IDE: variants seen among roughly 807,000 people sequenced by gnomAD.
IDE encodes insulin degrading enzyme, also known as insulin-degrading enzyme.
In IDE, 58 loss-of-function variants were observed where a neutral mutation model predicts 133.2. The observed-to-expected ratio is 0.44, with a 90% CI of 0.35 to 0.54. The LOEUF (loss-of-function observed/expected upper bound fraction) is 0.54. Ranked by LOEUF, IDE falls within the 20% of genes least tolerant of loss-of-function variation. IDE has a pLI of 0.00. For missense variants in IDE, 981 were observed against 1,234.0 expected, an observed-to-expected ratio of 0.79 and a Z score of 3.07; for synonymous variants, 396 against 421.3, an observed-to-expected ratio of 0.94 and a Z score of 0.73.
chr10:92,482,638 G>A (rs1044135849), intron 14 of IDE, among the ~76,000 whole-genome samples: 3 of 151,464 alleles, frequency 2.0e-5, no homozygotes, highest in African/African-American at 7.3e-5. Flanking sequence ...GTAAATCTAC[G>A]GCCTCCTCAG....
chr10:92,457,307 G>C (rs1029189687), intron 22 of IDE, among the ~76,000 whole-genome samples: 1 of 152,294 alleles, frequency 6.6e-6, no homozygotes, highest in East Asian at 1.9e-4. Context: ...TGAGTCCTGC[G>C]TTATATCAGG....
At chr10:92,514,858 G>T in intron 5 of IDE, 62 bp downstream of exon 5, 2 of 1,429,330 alleles carry the variant, frequency 1.4e-6, no homozygotes, top group Non-Finnish European at 1.9e-6. Context: ...CTAACACTGT[G>T]AAAAAGCCAA....
chr10:92,485,714 G>T (rs567649486), intron 13 of IDE, among the ~76,000 whole-genome samples: 12 of 152,198 alleles, frequency 7.9e-5, no homozygotes, highest in Middle Eastern at 3.4e-3. Flanking sequence ...AGGCTGAAGG[G>T]GGAGGATCAC....
intron 11 of IDE, among the ~76,000 whole-genome samples, chr10:92,491,615 GT>G (rs111226334): frequency 2.4e-4 from 34 of 139,550 alleles, no homozygotes; most frequent in Non-Finnish European, 2.4e-4. Flanking sequence ...TTTTGTTTTT[GT>G]TTTTTTTTTT....
At position 92,490,537 on chromosome 10, in the gene IDE, C is replaced by T; in HGVS notation, c.1489G>A (p.Gly497Arg). 3 of 1,612,994 alleles carry T rather than the reference C, an allele frequency of 1.9e-6. No homozygotes were observed. Among genetic ancestry groups the T allele is most frequent in the African/African-American group, 1.3e-5 (1 of 75,016 alleles). Residue 497 changes from glycine (G) to arginine (R), a missense_variant, in exon 12 of 25, where the codon GGA becomes AGA. This residue lies in a region of IDE where 660 missense variants were observed against 894.7 expected (regional missense o/e 0.74). Transcript: ENST00000265986. Reference sequence around the variant, plus strand: ...ATAGCTTCTTGTTTGTACTGGGTTCCATACCACTCTTCTGTGCGATCAGTT... The same window carrying T: ...ATAGCTTCTTGTTTGTACTGGGTTCTATACCACTCTTCTGTGCGATCAGTT... ...GKTDRTEEWY[G>R]TQYKQEAIPD...
chr10:92,561,767 A>T (rs923087601), intron 1 of IDE, among the ~76,000 whole-genome samples: 3 of 150,922 alleles, frequency 2.0e-5, no homozygotes, highest in South Asian at 4.2e-4. Flanking sequence ...GTCACCAAAA[A>T]AAAATAAAAT....
At chr10:92,526,313 A>G (rs937068738) in intron 4 of IDE, among the ~76,000 whole-genome samples, 1 of 152,146 alleles carries the variant, frequency 6.6e-6, no homozygotes, top group African/African-American at 2.4e-5. Context: ...AAAGCTATCT[A>G]CAGATTCAAT....
chr10:92,564,609 G>T (rs1000268146), intron 1 of IDE, among the ~76,000 whole-genome samples: 2 of 135,458 alleles, frequency 1.5e-5, no homozygotes, highest in African/African-American at 5.4e-5. Context: ...GAGAGACAGG[G>T]GTTGCAGTAA....
At chr10:92,527,240 C>T (rs1478735475) in intron 4 of IDE, among the ~76,000 whole-genome samples, 1 of 151,964 alleles carries the variant, frequency 6.6e-6, no homozygotes, top group African/African-American at 2.4e-5. Context: ...TGTAATGTAC[C>T]TCTGCCTTAT....
chr10:92,535,536 C>A (rs548136630), intron 2 of IDE, among the ~76,000 whole-genome samples: 1 of 152,148 alleles, frequency 6.6e-6, no homozygotes, highest in Non-Finnish European at 1.5e-5. Context: ...TTGACTCAAT[C>A]GCTTCAATAT....
intron 18 of IDE, among the ~76,000 whole-genome samples, chr10:92,469,774 T>C (rs1327284413): frequency 2.0e-5 from 3 of 152,222 alleles, no homozygotes; most frequent in African/African-American, 7.2e-5. Flanking sequence ...TTCCATGTGC[T>C]AAGTACTTAG....
intron 1 of IDE, among the ~76,000 whole-genome samples, chr10:92,555,498 A>C (rs1842963780): frequency 1.2e-5 from 1 of 81,696 alleles, no homozygotes; most frequent in South Asian, 3.0e-4. Flanking sequence ...ACTTTGTCTC[A>C]AAAAAAAAAA....
chr10:92,543,226 G>C (rs540734611), intron 1 of IDE, among the ~76,000 whole-genome samples: 7 of 152,180 alleles, frequency 4.6e-5, no homozygotes, highest in Non-Finnish European at 1.0e-4. Context: ...GCATGTGGAG[G>C]AGGAGCCCAG....
chr10:92,528,874 C>T (rs1249040828), intron 4 of IDE, among the ~76,000 whole-genome samples: 2 of 151,858 alleles, frequency 1.3e-5, no homozygotes, highest in South Asian at 2.1e-4. Context: ...GTCAGGAGTT[C>T]GAGACCAGCC....
intron 11 of IDE, among the ~76,000 whole-genome samples, chr10:92,494,825 T>C (rs1171628030): frequency 1.3e-5 from 2 of 152,120 alleles, no homozygotes; most frequent in Non-Finnish European, 1.5e-5. Context: ...TCTCCTGAGA[T>C]TTTTACAAAT....
rs746163475 is a variant in IDE at position 92,474,897 on chromosome 10, C to T, written c.2060G>A (p.Arg687His). ...QPHQHAMYYL[R>H]LLMTEVAWTK... ...CCAGGCCACTTCAGTCATCAGCAAG[C>T]GGAGGTAGTACATGGCATGCTGGTG... The change falls in exon 17 of 25, where the codon CGC (arginine) becomes CAC (histidine). Residue 687 changes from arginine (R) to histidine (H), a missense_variant. Physicochemically the swap from Arg to His is conservative, Grantham distance 29 (BLOSUM62 0). Transcript: ENST00000265986. The T allele has an allele frequency of 1.5e-5, 24 of 1,613,536 alleles. No homozygotes were observed. Among genetic ancestry groups the T allele is most frequent in the Middle Eastern group, 1.7e-4 (1 of 6,060 alleles).
rs1475365802 is a variant in IDE, at chr10:92,456,440, A to G, written c.2824-9T>C. The G allele has an allele frequency of 6.2e-7, 1 of 1,606,372 alleles. No individual in the cohort carries two copies. The highest frequency in any genetic ancestry group is 2.2e-5 in the East Asian group (1 of 44,838). On this transcript the variant is annotated splice_polypyrimidine_tract_variant and intron_variant, in intron 22 of 24. Transcript: ENST00000265986. ...TCTACTGCCAACATTTCCTAGGCAC[A>G]AAGAAGAGCAGGGTCACCCTTTTGC...
intron 1 of IDE, among the ~76,000 whole-genome samples, chr10:92,551,163 A>G (rs913842711): frequency 8.5e-5 from 13 of 152,380 alleles, no homozygotes; most frequent in African/African-American, 2.9e-4. Context: ...GCCAGTGTCC[A>G]CTGATGGATG....
intron 14 of IDE, among the ~76,000 whole-genome samples, chr10:92,481,070 G>A (rs1042074398): frequency 6.6e-6 from 1 of 152,194 alleles, no homozygotes; most frequent in Admixed American, 6.5e-5. Flanking sequence ...CATGATGACA[G>A]ATTTCCTTCT....
Sources: gnomAD v4.1 joint callset for allele counts (sites outside exome capture counted in the v4.1 genomes callset) on GRCh38, gnomAD v4.1.1 for gene constraint, gnomAD v4.1.1 regional missense constraint, MANE v1.5 for transcripts, NCBI Gene and HGNC (gene_info 2026-07-23, HGNC 2026-07-21) for gene names.